Variants in ATXN10 observed in about 807,000 individuals in gnomAD.
The protein encoded by ATXN10 is ataxin 10, also known as ataxin-10.
In ATXN10, 28 loss-of-function variants were observed where a neutral mutation model predicts 52.9. The observed-to-expected ratio is 0.53, with a 90% CI of 0.39 to 0.73. The LOEUF (loss-of-function observed/expected upper bound fraction) is 0.73. ATXN10 is among the 30% of genes least tolerant of loss of function. ATXN10 has a pLI of 0.00. For synonymous variants in ATXN10, 226 were observed against 221.5 expected, an observed-to-expected ratio of 1.02 and a Z score of -0.18; for missense variants, 565 against 577.0, an observed-to-expected ratio of 0.98 and a Z score of 0.21.
intron 5 of ATXN10, among the ~76,000 whole-genome samples, chr22:45,703,229 A>G (rs533369934): frequency 1.3e-5 from 2 of 152,328 alleles, no homozygotes; most frequent in East Asian, 3.9e-4. Flanking sequence ...ATCTGTGCAG[A>G]TGAGATAGAG....
Position 45,689,912 on chromosome 22 carries a change from A to G in ATXN10, c.308+9A>G. On this transcript the variant is annotated intron_variant, in intron 2 of 11. Coordinates refer to ENST00000252934, the MANE Select transcript of ATXN10 (RefSeq NM_013236.4). ...AACCAGAATTCAATCAGGTAGTTACACACGTACCTTGGATTCTGTTTCTTT... is the reference window on the plus strand; with the variant it reads ...AACCAGAATTCAATCAGGTAGTTACGCACGTACCTTGGATTCTGTTTCTTT... 6.2e-7 allele frequency: 1 copy of G among 1,613,326 alleles called. No homozygotes were observed. Among genetic ancestry groups the G allele is most frequent in the Non-Finnish European group, 8.5e-7 (1 of 1,179,520 alleles).
In ATXN10 at chr22:45,842,406, C is replaced by A. The variant is rs1215547158; in HGVS notation, c.1238-585C>A. On this transcript the variant is annotated intron_variant, in intron 10 of 11. Transcript: ENST00000252934. This position sits in a 1 kb window ranked among gnomAD's most constrained non-coding sequence, Gnocchi z 4.8. Reference sequence around the variant, plus strand: ...GGAGCCTGAGTATTCAAACTAAACACAGCAAATCCTTCAAAGCCCTTCCAG... The same window carrying A: ...GGAGCCTGAGTATTCAAACTAAACAAAGCAAATCCTTCAAAGCCCTTCCAG... Among the ~76,000 whole-genome samples the A allele has an allele frequency of 6.6e-6, 1 of 152,160 alleles. No individual in the cohort carries two copies. Among genetic ancestry groups the A allele is most frequent in the Non-Finnish European group, 1.5e-5 (1 of 68,012 alleles).
At chr22:45,806,242 T>G (rs1218640792) in intron 9 of ATXN10, among the ~76,000 whole-genome samples, 1 of 152,220 alleles carries the variant, frequency 6.6e-6, no homozygotes, top group African/African-American at 2.4e-5. Context: ...ACTTGGTTAT[T>G]TGTTAGTCTG....
In ATXN10 at chr22:45,728,782, A is replaced by G. The variant is rs775635887; in HGVS notation, c.729-643A>G. Among the ~76,000 whole-genome samples, 43 of 152,230 alleles carry G rather than the reference A, an allele frequency of 2.8e-4. No homozygotes were observed. Among genetic ancestry groups the G allele is most frequent in the Non-Finnish European group, 5.0e-4 (34 of 68,042 alleles). ...ATTTGGTAACTTATATATTGATGTA[A>G]AAATGGCACAGTCTTGGTCTTCAGA... On this transcript the variant is annotated intron_variant, in intron 6 of 11. Coordinates refer to ENST00000252934, the MANE Select transcript of ATXN10 (RefSeq NM_013236.4). The surrounding 1 kb of genome is among the most constrained non-coding windows in gnomAD (Gnocchi z 4.3).
intron 9 of ATXN10, chr22:45,793,690 C>A: frequency 6.8e-7 from 1 of 1,465,582 alleles, no homozygotes; most frequent in South Asian, 1.6e-5. Flanking sequence ...AGTCACCAAT[C>A]ACACAGCTCC....
chr22:45,724,193 A>T (rs1924777137), intron 6 of ATXN10, among the ~76,000 whole-genome samples: 1 of 152,120 alleles, frequency 6.6e-6, no homozygotes, highest in African/African-American at 2.4e-5. Context: ...CAGTAGTGGG[A>T]TTGCTGGATT....
chr22:45,753,319 C>T (rs1490657195), intron 9 of ATXN10, among the ~76,000 whole-genome samples: 2 of 142,602 alleles, frequency 1.4e-5, no homozygotes, highest in Non-Finnish European at 3.0e-5. Flanking sequence ...ATTCACAGAG[C>T]GATTTGCTTT....
Position 45,835,667 on chromosome 22 carries a change from G to C in ATXN10, c.1238-7324G>C, listed in dbSNP as rs534529929. ...CCACTTCCCTTACGGCCTAGAAGCCGATTAGCAGCCTCAGCTTTCAGTGCA... is the reference window on the plus strand; with the variant it reads ...CCACTTCCCTTACGGCCTAGAAGCCCATTAGCAGCCTCAGCTTTCAGTGCA... On this transcript the variant is annotated intron_variant, in intron 10 of 11. Coordinates refer to ENST00000252934, the MANE Select transcript of ATXN10 (RefSeq NM_013236.4). This position sits in a 1 kb window ranked among gnomAD's most constrained non-coding sequence, Gnocchi z 5.0. Among the ~76,000 whole-genome samples the C allele has an allele frequency of 1.3e-5, 2 of 152,194 alleles. No individual in the cohort carries two copies. The highest frequency in any genetic ancestry group is 4.1e-4 in the South Asian group (2 of 4,824).
rs1926409619 is a variant in ATXN10, at chr22:45,762,001, C to G, written c.1173+21463C>G. On this transcript the variant is annotated intron_variant, in intron 9 of 11. Coordinates refer to ENST00000252934, the MANE Select transcript of ATXN10 (RefSeq NM_013236.4). This position sits in a 1 kb window ranked among gnomAD's most constrained non-coding sequence, Gnocchi z 4.3. Reference sequence around the variant, plus strand: ...GACCATATTCGCCTTTAAGAGCCTTCTGACTCCCAGGTTTTCTGATTTTTA... The same window carrying G: ...GACCATATTCGCCTTTAAGAGCCTTGTGACTCCCAGGTTTTCTGATTTTTA... Among the ~76,000 whole-genome samples the G allele has an allele frequency of 6.6e-6, 1 of 152,194 alleles. No homozygotes were observed. The highest frequency in any genetic ancestry group is 2.1e-4 in the South Asian group (1 of 4,828).
chr22:45,782,651 G>A (rs1927189060), intron 9 of ATXN10, among the ~76,000 whole-genome samples: 1 of 152,172 alleles, frequency 6.6e-6, no homozygotes, highest in Non-Finnish European at 1.5e-5. Context: ...AGTCTCTGGT[G>A]CTGGAATGTT....
In ATXN10 at chr22:45,843,532, A is replaced by AT; in HGVS notation, c.1426-135dup. ...TAAAAAACAGAACTCCTTGAATAAT[A>AT]TTGCATGAATTGTTTTAGGTTTCTC... On this transcript the variant is annotated intron_variant, in intron 11 of 11. Coordinates refer to ENST00000252934, the MANE Select transcript of ATXN10 (RefSeq NM_013236.4). This position sits in a 1 kb window ranked among gnomAD's most constrained non-coding sequence, Gnocchi z 4.5. The AT allele has an allele frequency of 1.3e-6, 1 of 790,482 alleles. No homozygotes were observed. Among genetic ancestry groups the AT allele is most frequent in the Non-Finnish European group, 2.2e-6 (1 of 456,800 alleles). The allele number at this position is 790,482 out of a possible 1,614,324, so 49.0% of individuals were successfully genotyped here. A position where few individuals can be genotyped will look rare whatever the true frequency, so the allele number is the denominator to read the frequency against.
rs368023116 is a variant in ATXN10, at chr22:45,738,750, G to C, written c.914G>C (p.Arg305Thr). ...TTCTAGGAGGCACTGGCTACAATTA[G>C]GCTTCTCGACGTCCTGTGCGAAATG... ...PDDEEALATI[R>T]LLDVLCEMTV... The change falls in exon 8 of 12, where the codon AGG becomes ACG. Residue 305 changes from arginine (R) to threonine (T), a missense_variant. Coordinates refer to ENST00000252934, the MANE Select transcript of ATXN10 (RefSeq NM_013236.4). 1.2e-6 allele frequency: 2 copies of C among 1,614,004 alleles called. No individual in the cohort carries two copies. The highest frequency in any genetic ancestry group is 1.1e-5 in the South Asian group (1 of 91,080).
rs1415537758 is a variant in ATXN10, at chr22:45,769,866, TA to T, written c.1173+29334del. ...AAGAGTGTCAGGAAGTTAAAAAATATAAAAAATTTTCTGATGAAATGTAAGT... is the reference window on the plus strand; with the variant it reads ...AAGAGTGTCAGGAAGTTAAAAAATATAAAAATTTTCTGATGAAATGTAAGT... On this transcript the variant is annotated intron_variant, in intron 9 of 11. Coordinates refer to ENST00000252934, the MANE Select transcript of ATXN10 (RefSeq NM_013236.4). This position sits in a 1 kb window ranked among gnomAD's most constrained non-coding sequence, Gnocchi z 4.2. Among the ~76,000 whole-genome samples, 2 of 152,194 alleles carry T rather than the reference TA, an allele frequency of 1.3e-5. No homozygotes were observed. Among genetic ancestry groups the T allele is most frequent in the Non-Finnish European group, 2.9e-5 (2 of 68,026 alleles).
Position 45,841,062 on chromosome 22 carries a change from C to T in ATXN10, c.1238-1929C>T, listed in dbSNP as rs915821320. 4.6e-5 allele frequency among the ~76,000 whole-genome samples: 7 copies of T among 151,804 alleles called. No individual in the cohort carries two copies. Among genetic ancestry groups the T allele is most frequent in the Non-Finnish European group, 8.8e-5 (6 of 68,016 alleles). Reference sequence around the variant, plus strand: ...GTTGGAAGTGCTTGATACCGGGGCTCGTTATCTTTATTCTCTATACTGGCA... The same window carrying T: ...GTTGGAAGTGCTTGATACCGGGGCTTGTTATCTTTATTCTCTATACTGGCA... On this transcript the variant is annotated intron_variant, in intron 10 of 11. Transcript: ENST00000252934. The surrounding 1 kb of genome is among the most constrained non-coding windows in gnomAD (Gnocchi z 5.1).
At position 45,712,121 on chromosome 22, in the gene ATXN10, A is replaced by ACATTGTCAT. The variant is rs770915700; in HGVS notation, c.648-6290_648-6282dup. Among the ~76,000 whole-genome samples, 6 of 152,198 alleles carry ACATTGTCAT rather than the reference A, an allele frequency of 3.9e-5. No individual in the cohort carries two copies. The highest frequency in any genetic ancestry group is 5.9e-5 in the Non-Finnish European group (4 of 68,034). ...GCATGCAAGTGGCTCTTTTTGGGTC[A>ACATTGTCAT]CATTGTCATCCCTGGGGCAGTGCTG... is the stretch of plus-strand genomic sequence containing the variant. On this transcript the variant is annotated intron_variant, in intron 5 of 11. Transcript: ENST00000252934. This position sits in a 1 kb window ranked among gnomAD's most constrained non-coding sequence, Gnocchi z 4.6.
intron 1 of ATXN10, chr22:45,675,327 C>T (rs1396390627): frequency 6.6e-6 from 1 of 152,206 alleles, no homozygotes; most frequent in African/African-American, 2.4e-5. Context: ...AATATGTCCA[C>T]AAATTCTTTG....
chr22:45,710,437 G>C (rs138151), intron 5 of ATXN10, among the ~76,000 whole-genome samples: 110,367 of 152,094 alleles, frequency 0.73, 41,083 homozygotes, highest in African/African-American at 0.9. Flanking sequence ...AGTGTTTCCT[G>C]TAAACCCGTA....
intron 2 of ATXN10, among the ~76,000 whole-genome samples, chr22:45,692,315 G>T (rs1405430901): frequency 6.6e-6 from 1 of 152,144 alleles, no homozygotes; most frequent in Admixed American, 6.5e-5. Flanking sequence ...CAAGGGCTGT[G>T]CTGTTTGTGA....
chr22:45,717,726 C>T (rs1047855696), intron 5 of ATXN10, among the ~76,000 whole-genome samples: 1 of 152,066 alleles, frequency 6.6e-6, no homozygotes, highest in Non-Finnish European at 1.5e-5. Flanking sequence ...TGCTTGCAGT[C>T]AATTTTTATT....
Sources: allele counts gnomAD v4.1 joint callset (sites outside exome capture counted in the v4.1 genomes callset), GRCh38; gene constraint gnomAD v4.1.1; non-coding constraint Gnocchi (gnomAD v3.1); transcripts MANE v1.5; gene names NCBI Gene and HGNC (gene_info 2026-07-23, HGNC 2026-07-21).